Variants in LGMN observed in about 807,000 individuals in gnomAD.
LGMN encodes asparaginyl endopeptidase.
LGMN carries 36 observed loss-of-function variants against 56.8 expected under a neutral mutation model. That is an observed-to-expected ratio of 0.63 (90% CI 0.49 to 0.84). LGMN has a LOEUF of 0.84. LGMN is among the 40% of genes least tolerant of loss of function. The pLI, the probability that LGMN is intolerant of heterozygous loss-of-function variation, is 0.00. For synonymous variants in LGMN, 199 were observed against 210.1 expected, an observed-to-expected ratio of 0.95 and a Z score of 0.46; for missense variants, 446 against 556.1, an observed-to-expected ratio of 0.80 and a Z score of 1.99.
Position 92,748,017 on chromosome 14 carries a change from G to C in LGMN, c.-30+472C>G, listed in dbSNP as rs1294398181. 3.9e-5 allele frequency among the ~76,000 whole-genome samples: 6 copies of C among 152,122 alleles called. No homozygotes were observed. In the South Asian group the frequency reaches 1.0e-3, roughly 26 times the overall value. ...AGAGCTTCCCTGACTTCTCTAAATAGATGTCTTTATAAGCTTGGGTATTTC... is the reference window on the plus strand; with the variant it reads ...AGAGCTTCCCTGACTTCTCTAAATACATGTCTTTATAAGCTTGGGTATTTC... On this transcript the variant is annotated intron_variant, in intron 1 of 13. Transcript: ENST00000334869.
At chr14:92,727,670 C>T (rs1054677076) in intron 2 of LGMN, among the ~76,000 whole-genome samples, 2 of 152,162 alleles carry the variant, frequency 1.3e-5, no homozygotes, top group African/African-American at 4.8e-5. Flanking sequence ...ATCCTTCAAA[C>T]CCACGTCAAG....
chr14:92,716,380 C>CCTAG (rs2140224827), intron 4 of LGMN, among the ~76,000 whole-genome samples, 159 bp from the exon 5 acceptor site: 1 of 152,356 alleles, frequency 6.6e-6, no homozygotes, highest in East Asian at 1.9e-4. Context: ...CGCCTGTAAT[C>CCTAG]CTAGCACTTT....
Position 92,714,426 on chromosome 14 carries a change from A to T in LGMN, c.430T>A (p.Tyr144Asn), listed in dbSNP as rs765221515. The T allele has an allele frequency of 1.2e-6, 2 of 1,612,148 alleles. No homozygotes were observed. The highest frequency in any genetic ancestry group is 1.7e-6 in the Non-Finnish European group (2 of 1,178,284). The change falls in exon 6 of 14, where the codon TAC (tyrosine) becomes AAC (asparagine). Residue 144 changes from tyrosine to asparagine, a missense_variant. By Grantham distance (143) the Tyr-to-Asn change is moderately radical (BLOSUM62 -2). Transcript: ENST00000334869. This position sits in a 1 kb window ranked among gnomAD's most constrained non-coding sequence, Gnocchi z 5.1. ...KSGPQDHVFI[Y>N]FTDHGSTGIL... ...CCAGTAGATCCATGGTCAGTGAAGT[A>T]AATGAACACGTGATCCTGGGGGCCA...
intron 3 of LGMN, among the ~76,000 whole-genome samples, 159 bp from the exon 4 acceptor site, chr14:92,717,620 A>C (rs1699733431): frequency 6.6e-6 from 1 of 152,242 alleles, no homozygotes; most frequent in Admixed American, 6.5e-5. Flanking sequence ...TGGTTTGAGC[A>C]GCTTGGGGAT....
In LGMN at chr14:92,714,842, C is replaced by CG; in HGVS notation, c.405-392_405-391insC. On this transcript the variant is annotated intron_variant, in intron 5 of 13. Transcript: ENST00000334869. This position sits in a 1 kb window ranked among gnomAD's most constrained non-coding sequence, Gnocchi z 5.1. ...CTCAACACAGGCCTGCAGCCTCCCC[C>CG]CCTCCAGGCCTCCTGTGGCCCACAG... Among the ~76,000 whole-genome samples, 1 of 151,896 alleles carries CG rather than the reference C, an allele frequency of 6.6e-6. No homozygotes were observed. Among genetic ancestry groups the CG allele is most frequent in the East Asian group, 1.9e-4 (1 of 5,176 alleles).
intron 2 of LGMN, among the ~76,000 whole-genome samples, chr14:92,719,305 G>GCCACCA (rs1356309763): frequency 3.4e-5 from 1 of 29,154 alleles, no homozygotes; most frequent in African/African-American, 1.6e-4. Context: ...CGCCGCCACC[G>GCCACCA]CCGCCACCGC....
chr14:92,718,526 A>G (rs1890184618), intron 3 of LGMN, among the ~76,000 whole-genome samples: 1 of 152,016 alleles, frequency 6.6e-6, no homozygotes, highest in Admixed American at 6.6e-5. Flanking sequence ...GTGAGCCGAG[A>G]TCGCACCACT....
chr14:92,704,438 G>T, intron 13 of LGMN, 77 bp from the exon 14 acceptor site: 1 of 1,255,746 alleles, frequency 8.0e-7, no homozygotes, highest in Non-Finnish European at 1.2e-6. Flanking sequence ...ACCCACATGC[G>T]GCAGGCAGGC....
chr14:92,743,931 G>A lies in LGMN; in HGVS notation c.-30+4558C>T, dbSNP rs143765064. Among the ~76,000 whole-genome samples the A allele has an allele frequency of 6.0e-3, 912 of 152,102 alleles. 6 individuals carry two copies. Among genetic ancestry groups the A allele is most frequent in the Non-Finnish European group, 9.4e-3 (642 of 67,984 alleles). ...AGCACTTGGAAAGGTTGAGGTGGGC[G>A]GATTACAAGGTCAAGAGATCAATAC... On this transcript the variant is annotated intron_variant, in intron 1 of 13. Transcript: ENST00000334869.
intron 1 of LGMN, among the ~76,000 whole-genome samples, chr14:92,744,295 T>C (rs751547743): frequency 1.3e-4 from 20 of 152,250 alleles, no homozygotes; most frequent in Admixed American, 6.5e-5. Flanking sequence ...AATTCTAATT[T>C]ATAGGAGTTA....
At chr14:92,736,372 G>A (rs1891306874) in intron 1 of LGMN, among the ~76,000 whole-genome samples, 1 of 152,116 alleles carries the variant, frequency 6.6e-6, no homozygotes, top group South Asian at 2.1e-4. Flanking sequence ...GAGGCAGGCG[G>A]ATCACTTGAG....
chr14:92,716,845 A>T (rs371275099), intron 4 of LGMN, among the ~76,000 whole-genome samples: 39 of 152,326 alleles, frequency 2.6e-4, no homozygotes, highest in African/African-American at 9.1e-4. Context: ...AAACCAGGTG[A>T]ATGAAGGCAT....
At position 92,712,915 on chromosome 14, in the gene LGMN, G is replaced by T. The variant is rs539177775; in HGVS notation, c.544-44C>A. The T allele has an allele frequency of 3.9e-5, 61 of 1,570,658 alleles. 2 individuals carry two copies. The South Asian group carries it at 6.7e-4, about 17-fold the overall frequency. ...AGGTGAGCTCACCCCATCCAGGTAC[G>T]GGCCTCCAGCCATGCTACTGGAGCT... On this transcript the variant is annotated intron_variant, in intron 7 of 13. Coordinates refer to ENST00000334869, the MANE Select transcript of LGMN (RefSeq NM_005606.7).
In LGMN at chr14:92,714,994, AT is replaced by A. The variant is rs780256263; in HGVS notation, c.405-544del. Among the ~76,000 whole-genome samples the A allele has an allele frequency of 0.015, 1,880 of 127,350 alleles. 13 individuals carry two copies. Among genetic ancestry groups the A allele is most frequent in the African/African-American group, 0.032 (1,043 of 32,448 alleles). The allele number at this position is 127,350 out of a possible 152,430, so 83.5% of individuals were successfully genotyped here. On this transcript the variant is annotated intron_variant, in intron 5 of 13. Transcript: ENST00000334869. This position sits in a 1 kb window ranked among gnomAD's most constrained non-coding sequence, Gnocchi z 5.1. ...CTCACAGATGTCCATCTCCATACTA[AT>A]TTTTTTTTTTTTTTTTTTTTTGAGA...
At chr14:92,720,749 G>A (rs1432909908) in intron 2 of LGMN, among the ~76,000 whole-genome samples, 1 of 150,974 alleles carries the variant, frequency 6.6e-6, no homozygotes, top group Non-Finnish European at 1.5e-5. Context: ...CCTGAAGCCT[G>A]CACTACATTA....
intron 2 of LGMN, among the ~76,000 whole-genome samples, chr14:92,731,796 C>A (rs1891059792): frequency 6.6e-6 from 1 of 152,188 alleles, no homozygotes; most frequent in African/African-American, 2.4e-5. Flanking sequence ...GTTTTCACCT[C>A]TCTTAAGGAC....
chr14:92,728,304 C>T (rs1890844870), intron 2 of LGMN, among the ~76,000 whole-genome samples: 1 of 152,196 alleles, frequency 6.6e-6, no homozygotes, highest in Non-Finnish European at 1.5e-5. Context: ...ATACGCAGAT[C>T]ACGATAGGGT....
Position 92,716,195 on chromosome 14 carries a change from A to C in LGMN, c.345T>G (p.Ala115=). 1 of 1,613,586 alleles carries C rather than the reference A, an allele frequency of 6.2e-7. No individual in the cohort carries two copies. Among genetic ancestry groups the C allele is most frequent in the Non-Finnish European group, 8.5e-7 (1 of 1,179,560 alleles). ...GEDVTPQNFL[A]VLRGDAEAVK... ...CTGCTTCTGCATCGCCTCTCAACACAGCAAGGAAATTTTGTGGGGTAACAT... is the reference window on the plus strand; with the variant it reads ...CTGCTTCTGCATCGCCTCTCAACACCGCAAGGAAATTTTGTGGGGTAACAT... Residue 115 remains alanine (A), a synonymous_variant, in exon 5 of 14, where the codon GCT becomes GCG. Coordinates refer to ENST00000334869, the MANE Select transcript of LGMN (RefSeq NM_005606.7).
intron 2 of LGMN, among the ~76,000 whole-genome samples, chr14:92,726,606 G>A (rs1338778977): frequency 6.6e-6 from 1 of 152,168 alleles, no homozygotes; most frequent in Non-Finnish European, 1.5e-5. Flanking sequence ...CTTCTGAGTG[G>A]AGAGGTTCTG....
Sources: gnomAD v4.1 joint callset for allele counts (sites outside exome capture counted in the v4.1 genomes callset) on GRCh38, gnomAD v4.1.1 for gene constraint, Gnocchi (gnomAD v3.1) non-coding constraint, MANE v1.5 for transcripts, NCBI Gene and HGNC (gene_info 2026-07-23, HGNC 2026-07-21) for gene names.